The following CNTN5 variants were observed in gnomAD, a reference collection of about 807,000 sequenced individuals.
CNTN5 encodes the protein contactin 5.
CNTN5 carries 77 observed loss-of-function variants against 129.1 expected under a neutral mutation model. That is an observed-to-expected ratio of 0.60 (90% CI 0.50 to 0.72). CNTN5 has a LOEUF of 0.72. Ranked by LOEUF, CNTN5 falls within the 30% of genes least tolerant of loss-of-function variation. The pLI, the probability that CNTN5 is intolerant of heterozygous loss-of-function variation, is 0.00. For missense variants in CNTN5, 1,478 were observed against 1,328.8 expected, an observed-to-expected ratio of 1.11 and a Z score of -1.75; for synonymous variants, 509 against 465.6, an observed-to-expected ratio of 1.09 and a Z score of -1.20.
At chr11:99,688,265 C>G (rs1157514827) in intron 3 of CNTN5, among the ~76,000 whole-genome samples, 1 of 152,138 alleles carries the variant, frequency 6.6e-6, no homozygotes, top group African/African-American at 2.4e-5. Context: ...CGGTCTTGAA[C>G]TCTTAGCCTT....
intron 13 of CNTN5, among the ~76,000 whole-genome samples, chr11:100,099,769 G>A (rs1289479881): frequency 6.6e-6 from 1 of 151,784 alleles, no homozygotes; most frequent in Non-Finnish European, 1.5e-5. Flanking sequence ...CTGAGCTCCT[G>A]GGAGACTTGG....
intron 3 of CNTN5, among the ~76,000 whole-genome samples, chr11:99,616,203 T>C (rs955136798): frequency 1.3e-5 from 2 of 152,240 alleles, no homozygotes; most frequent in African/African-American, 4.8e-5. Flanking sequence ...AAGTCCGCTC[T>C]GTTCCCTCTA....
intron 3 of CNTN5, among the ~76,000 whole-genome samples, chr11:99,669,079 TCTTA>T (rs1272376626): frequency 2.6e-5 from 4 of 152,202 alleles, no homozygotes; most frequent in African/African-American, 7.2e-5. Flanking sequence ...TGATTTATAC[TCTTA>T]CTTTGTCTAG....
intron 9 of CNTN5, among the ~76,000 whole-genome samples, chr11:100,038,959 C>T (rs995916153): frequency 1.3e-5 from 2 of 152,072 alleles, no homozygotes; most frequent in African/African-American, 4.8e-5. Context: ...GAGCATTTAG[C>T]CCATTTACAT....
intron 2 of CNTN5, among the ~76,000 whole-genome samples, chr11:99,510,260 T>C (rs1424259563): frequency 1.3e-5 from 2 of 152,074 alleles, no homozygotes; most frequent in Admixed American, 1.3e-4. Flanking sequence ...AATGAGACCT[T>C]TGTTAACATA....
intron 3 of CNTN5, among the ~76,000 whole-genome samples, chr11:99,800,497 T>C (rs1946080017): frequency 6.6e-6 from 1 of 152,120 alleles, no homozygotes; most frequent in Admixed American, 6.6e-5. Context: ...ATTTCTTTGT[T>C]AGTTTTGGGC....
intron 1 of CNTN5, among the ~76,000 whole-genome samples, chr11:99,070,252 T>C (rs1865290134): frequency 6.6e-6 from 1 of 152,146 alleles, no homozygotes; most frequent in Non-Finnish European, 1.5e-5. Flanking sequence ...CATCTTCTCT[T>C]TTTGCACAGG....
chr11:99,780,258 T>A (rs2135383429), intron 3 of CNTN5, among the ~76,000 whole-genome samples: 1 of 152,204 alleles, frequency 6.6e-6, no homozygotes, highest in Middle Eastern at 3.4e-3. Context: ...TACGTTAGTA[T>A]ATTTACAAGC....
At chr11:100,041,207 A>C (rs1037992404) in intron 9 of CNTN5, among the ~76,000 whole-genome samples, 2 of 152,064 alleles carry the variant, frequency 1.3e-5, no homozygotes, top group African/African-American at 2.4e-5. Context: ...AATATTTTTT[A>C]TCTCTCTTCC....
intron 1 of CNTN5, among the ~76,000 whole-genome samples, chr11:99,221,886 C>A (rs1306691598): frequency 6.6e-6 from 1 of 151,830 alleles, no homozygotes; most frequent in East Asian, 1.9e-4. Flanking sequence ...TTTTTATTAT[C>A]AATATTTCTC....
chr11:99,258,217 C>T (rs192068181), intron 1 of CNTN5, among the ~76,000 whole-genome samples: 42 of 151,932 alleles, frequency 2.8e-4, no homozygotes, highest in Admixed American at 1.4e-3. Flanking sequence ...ACTCATATCA[C>T]GGGGGTTTGT....
intron 8 of CNTN5, among the ~76,000 whole-genome samples, chr11:99,997,120 TTC>T (rs1939502838): frequency 6.6e-6 from 1 of 152,230 alleles, no homozygotes; most frequent in Non-Finnish European, 1.5e-5. Flanking sequence ...TATTTGATTC[TTC>T]TCTCTTTTTT....
At chr11:99,037,056 C>T (rs1281462403) in intron 1 of CNTN5, among the ~76,000 whole-genome samples, 1 of 152,220 alleles carries the variant, frequency 6.6e-6, no homozygotes, top group South Asian at 2.1e-4. Flanking sequence ...TTTTCTCCCT[C>T]CACTGTAAGC....
At chr11:99,915,767 G>T (rs1238972926) in intron 6 of CNTN5, among the ~76,000 whole-genome samples, 1 of 152,140 alleles carries the variant, frequency 6.6e-6, no homozygotes, top group African/African-American at 2.4e-5. Flanking sequence ...TATAAAAAAT[G>T]ACTCTTTGTG....
intron 1 of CNTN5, among the ~76,000 whole-genome samples, chr11:99,210,783 T>C (rs913994191): frequency 3.3e-5 from 5 of 152,186 alleles, no homozygotes; most frequent in Admixed American, 6.6e-5. Flanking sequence ...GGACAGCTTT[T>C]GTTTTGCTTT....
At chr11:100,246,523 C>A (rs1949844673) in intron 16 of CNTN5, among the ~76,000 whole-genome samples, 1 of 152,060 alleles carries the variant, frequency 6.6e-6, no homozygotes, top group Non-Finnish European at 1.5e-5. Context: ...GGGTACAGCT[C>A]ATAAAATTTA....
At chr11:99,842,363 T>C (rs2135681653) in intron 4 of CNTN5, among the ~76,000 whole-genome samples, 1 of 152,342 alleles carries the variant, frequency 6.6e-6, no homozygotes, top group South Asian at 2.1e-4. Flanking sequence ...TAAATATTAG[T>C]TATTAATCAC....
At chr11:99,044,629 A>T (rs1864132989) in intron 1 of CNTN5, among the ~76,000 whole-genome samples, 1 of 152,102 alleles carries the variant, frequency 6.6e-6, no homozygotes, top group Admixed American at 6.6e-5. Context: ...GAATTCTGAG[A>T]TCCAAGTGTT....
chr11:99,685,994 T>C (rs1253980571), intron 3 of CNTN5, among the ~76,000 whole-genome samples: 1 of 152,086 alleles, frequency 6.6e-6, no homozygotes, highest in Non-Finnish European at 1.5e-5. Context: ...CCTGAAGAGC[T>C]TAAAATATAC....
Sources: allele counts gnomAD v4.1 joint callset (sites outside exome capture counted in the v4.1 genomes callset), GRCh38; gene constraint gnomAD v4.1.1; transcripts MANE v1.5; gene names NCBI Gene and HGNC (gene_info 2026-07-23, HGNC 2026-07-21).